The following CRLF3 variants were observed in gnomAD, a reference collection of about 807,000 sequenced individuals.
CRLF3 encodes cytokine receptor-like factor 3.
In CRLF3, 33 loss-of-function variants were observed where a neutral mutation model predicts 55.0. The observed-to-expected ratio is 0.60, with a 90% CI of 0.46 to 0.80. The LOEUF is 0.80. Ranked by LOEUF, CRLF3 falls within the 30% of genes least tolerant of loss-of-function variation. The pLI is 0.00. For synonymous variants in CRLF3, 238 were observed against 196.8 expected (o/e 1.21, Z -1.75); for missense variants, 494 against 538.4 (o/e 0.92, Z 0.82).
intron 3 of CRLF3, 28 bp from the exon 4 acceptor site, chr17:30,796,365 A>T: frequency 1.3e-6 from 2 of 1,571,400 alleles, no homozygotes; most frequent in South Asian, 1.2e-5. Flanking sequence ...ATGTGTTATG[A>T]GACCTCTAAC....
At chr17:30,790,395 G>A (rs1481874387) in intron 6 of CRLF3, among the ~76,000 whole-genome samples, 1 of 152,000 alleles carries the variant, frequency 6.6e-6, no homozygotes, top group Non-Finnish European at 1.5e-5. Context: ...ATACATCTCA[G>A]ATAACATGAA....
chr17:30,784,140 G>A lies in CRLF3; in HGVS notation c.*47C>T. ...AGCAATTACAACTACGCTGGGCTGA[G>A]GACAGCTACGTTAGACCCTGAAAAC... On this transcript the variant is annotated 3_prime_UTR_variant, in exon 8 of 8. Transcript: ENST00000324238. 6.4e-7 allele frequency: 1 copy of A among 1,563,060 alleles called. No homozygotes were observed. The highest frequency in any genetic ancestry group is 8.7e-7 in the Non-Finnish European group (1 of 1,149,456).
intron 1 of CRLF3, among the ~76,000 whole-genome samples, chr17:30,809,319 C>T (rs1481342122): frequency 6.6e-6 from 1 of 152,140 alleles, no homozygotes; most frequent in Non-Finnish European, 1.5e-5. Flanking sequence ...AACTTGATAC[C>T]ACCATGGGAT....
intron 7 of CRLF3, chr17:30,784,681 G>C (rs1971594217): frequency 2.4e-6 from 1 of 418,068 alleles, no homozygotes; most frequent in Non-Finnish European, 4.3e-6. Flanking sequence ...ATTACCTCCT[G>C]TGAAATAGCA....
intron 4 of CRLF3, among the ~76,000 whole-genome samples, chr17:30,794,193 C>A (rs991792657): frequency 1.3e-5 from 2 of 152,140 alleles, no homozygotes; most frequent in Admixed American, 6.6e-5. Flanking sequence ...ATAAAAAAGT[C>A]TGCCTCCTTT....
At chr17:30,820,392 C>T (rs907742733) in intron 1 of CRLF3, among the ~76,000 whole-genome samples, 1 of 152,126 alleles carries the variant, frequency 6.6e-6, no homozygotes, top group Non-Finnish European at 1.5e-5. Flanking sequence ...GAAACTAAAG[C>T]AAAGACAAAA....
Position 30,804,071 on chromosome 17 carries a change from T to C in CRLF3, c.167A>G (p.Lys56Arg). ...ESASQTRDVL[K>R]QHFNDLKGTL... ...TCCCTTTAAATCATTAAAATGCTGT[T>C]TGAGAACATCCCTTGTCTGTGATGC... The change falls in exon 2 of 8, where the codon AAA becomes AGA. Residue 56 changes from lysine (K) to arginine (R), a missense_variant. Physicochemically the swap from Lys to Arg is conservative, Grantham distance 26. Transcript: ENST00000324238. 1.2e-6 allele frequency: 2 copies of C among 1,613,810 alleles called. No homozygotes were observed. Among genetic ancestry groups the C allele is most frequent in the Middle Eastern group, 1.7e-4 (1 of 5,948 alleles).
intron 1 of CRLF3, 41 bp downstream of exon 1, chr17:30,824,481 AC>A: frequency 1.3e-6 from 2 of 1,532,328 alleles, no homozygotes; most frequent in African/African-American, 1.4e-5. Flanking sequence ...CATCCGCGCC[AC>A]CCCCGGGCCC....
At chr17:30,816,857 A>G (rs1399804337) in intron 1 of CRLF3, among the ~76,000 whole-genome samples, 1 of 152,166 alleles carries the variant, frequency 6.6e-6, no homozygotes, top group Non-Finnish European at 1.5e-5. Flanking sequence ...GTATAGTAAC[A>G]TGCTGTACAG....
intron 2 of CRLF3, among the ~76,000 whole-genome samples, chr17:30,797,937 G>A (rs1011615741): frequency 3.0e-5 from 4 of 134,896 alleles, no homozygotes; most frequent in Non-Finnish European, 4.6e-5. Flanking sequence ...ACCATGCCCA[G>A]CTATTTTTTT....
rs1227747080 is a variant in CRLF3, at chr17:30,782,911, G to A, written c.*1276C>T. ...TTTACTATACTGGTAAAAATGAAATGAAAAAAATAATTCACATTAAAATAA... is the reference window on the plus strand; with the variant it reads ...TTTACTATACTGGTAAAAATGAAATAAAAAAAATAATTCACATTAAAATAA... On this transcript the variant is annotated 3_prime_UTR_variant, in exon 8 of 8. Transcript: ENST00000324238. 2 of 149,336 alleles carry A rather than the reference G, an allele frequency of 1.3e-5. No homozygotes were observed. Among genetic ancestry groups the A allele is most frequent in the Non-Finnish European group, 3.0e-5 (2 of 67,266 alleles). The allele number at this position is 149,336 out of a possible 1,614,324, so 9.3% of individuals were successfully genotyped here. A position where few individuals can be genotyped will look rare whatever the true frequency, so the allele number is the denominator to read the frequency against.
intron 6 of CRLF3, among the ~76,000 whole-genome samples, chr17:30,788,827 C>T (rs1351710898): frequency 3.3e-5 from 5 of 151,664 alleles, no homozygotes; most frequent in Admixed American, 2.0e-4. Context: ...AGGCTGGTCT[C>T]GAACTCCTGA....
chr17:30,785,840 G>C (rs1971633257), intron 7 of CRLF3, 79 bp downstream of exon 7: 3 of 696,532 alleles, frequency 4.3e-6, no homozygotes, highest in Admixed American at 5.1e-5. Flanking sequence ...TACTATAAAT[G>C]TATGGAACTG....
At position 30,793,667 on chromosome 17, in the gene CRLF3, A is replaced by G; in HGVS notation, c.609T>C (p.Asp203=). Residue 203 remains aspartate, a synonymous_variant, in exon 5 of 8, where the codon GAT becomes GAC. Coordinates refer to ENST00000324238, the MANE Select transcript of CRLF3 (RefSeq NM_015986.4). ...TGTAATCTTGGGCTGTAAAGTCATCATCCACCTAGGGAGAAAAGCTTTATG... is the reference window on the plus strand; with the variant it reads ...TGTAATCTTGGGCTGTAAAGTCATCGTCCACCTAGGGAGAAAAGCTTTATG... ...GGIIVRWCKV[D]DDFTAQDYRL... is the part of the protein sequence containing the mutation. The G allele has an allele frequency of 6.2e-7, 1 of 1,608,840 alleles. No homozygotes were observed. The highest frequency in any genetic ancestry group is 8.5e-7 in the Non-Finnish European group (1 of 1,175,506).
chr17:30,801,587 C>T (rs1451410915), intron 2 of CRLF3, among the ~76,000 whole-genome samples: 8 of 152,044 alleles, frequency 5.3e-5, no homozygotes, highest in Admixed American at 1.3e-4. Context: ...CCCACCACCA[C>T]GTCTGGCTAA....
Position 30,792,531 on chromosome 17 carries a change from TTCGAC to T in CRLF3, c.863_867del (p.Ser288LysfsTer10). 6.2e-7 allele frequency: 1 copy of T among 1,612,690 alleles called. No homozygotes were observed. Among genetic ancestry groups the T allele is most frequent in the Non-Finnish European group, 8.5e-7 (1 of 1,178,792 alleles). ...GAATCGTTCCGAAGTGCTATATTTC[TTCGAC>T]TGCTCAGACTGTACCCCTCAAAACC... is the stretch of plus-strand genomic sequence containing the variant. On this transcript the variant is annotated frameshift_variant, in exon 6 of 8. Coordinates refer to ENST00000324238, the MANE Select transcript of CRLF3 (RefSeq NM_015986.4). LOFTEE classifies it high-confidence loss of function.
At position 30,811,106 on chromosome 17, in the gene CRLF3, CAAAAA is replaced by C. The variant is rs576722275; in HGVS notation, c.130-7003_130-6999del. On this transcript the variant is annotated intron_variant, in intron 1 of 7. Transcript: ENST00000324238. ...CCTGCCTCAAAAATAACCAAACAAA[CAAAAA>C]AGAAAACCACATATATAAAACACAA... Among the ~76,000 whole-genome samples the C allele has an allele frequency of 5.1e-4, 78 of 151,950 alleles. 1 individual carries two copies. Among genetic ancestry groups the C allele is most frequent in the African/African-American group, 1.7e-3 (71 of 41,450 alleles).
chr17:30,812,404 G>C (rs1450564201), intron 1 of CRLF3, among the ~76,000 whole-genome samples: 1 of 150,786 alleles, frequency 6.6e-6, no homozygotes, highest in Non-Finnish European at 1.5e-5. Flanking sequence ...AGTAACATGG[G>C]AGTCAGAGAG....
chr17:30,798,364 C>T (rs11649932), intron 2 of CRLF3, among the ~76,000 whole-genome samples: 16,372 of 147,728 alleles, frequency 0.11, 996 homozygotes, highest in South Asian at 0.26. Context: ...GGCAAAAGAG[C>T]GAGACTCCGT....
Sources: gnomAD v4.1 joint callset for allele counts (sites outside exome capture counted in the v4.1 genomes callset) on GRCh38, gnomAD v4.1.1 for gene constraint, MANE v1.5 for transcripts, NCBI Gene and HGNC (gene_info 2026-07-23, HGNC 2026-07-21) for gene names.